Variants in THSD4 observed in about 807,000 individuals in gnomAD.
The protein encoded by THSD4 is thrombospondin type 1 domain containing 4.
Under a neutral mutation model 119.0 loss-of-function variants are expected in THSD4, and 69 were observed. The ratio of observed to expected loss-of-function variants is 0.58; its 90% CI spans 0.48 to 0.71. The LOEUF (loss-of-function observed/expected upper bound fraction) is 0.71. Ranked by LOEUF, THSD4 falls within the 30% of genes least tolerant of loss-of-function variation. The pLI, the probability that THSD4 is intolerant of heterozygous loss-of-function variation, is 0.00. For synonymous variants in THSD4, 524 were observed against 540.4 expected (o/e 0.97, Z 0.42); for missense variants, 1,393 against 1,391.1 (o/e 1.00, Z -0.02).
chr15:71,678,446 A>G (rs565660488), intron 8 of THSD4, among the ~76,000 whole-genome samples: 3 of 152,324 alleles, frequency 2.0e-5, no homozygotes, highest in Admixed American at 6.5e-5. Context: ...AGCTTCAGAA[A>G]TGTGAAACCT....
intron 6 of THSD4, among the ~76,000 whole-genome samples, chr15:71,379,093 C>G (rs2046190875): frequency 6.6e-6 from 1 of 151,948 alleles, no homozygotes; most frequent in Admixed American, 6.6e-5. Context: ...CAGAGGGTAA[C>G]TTGTTTTAAG....
chr15:71,759,027 G>T (rs1176871436), intron 15 of THSD4, among the ~76,000 whole-genome samples: 1 of 152,108 alleles, frequency 6.6e-6, no homozygotes, highest in Non-Finnish European at 1.5e-5. Context: ...CATGACAGCA[G>T]GATGGTTACA....
intron 7 of THSD4, among the ~76,000 whole-genome samples, chr15:71,533,016 G>A (rs7168510): frequency 0.27 from 40,730 of 152,096 alleles, 6,191 homozygotes; most frequent in East Asian, 0.62. Context: ...TGCCATGTGT[G>A]TGCCTTCTGA....
Position 71,745,191 on chromosome 15 carries a change from G to C in THSD4, c.1992G>C (p.Pro664=). 1 of 1,613,310 alleles carries C rather than the reference G, an allele frequency of 6.2e-7. No homozygotes were observed. The highest frequency in any genetic ancestry group is 1.3e-5 in the African/African-American group (1 of 74,990). ...PESYCDSSMK[P]TPEEEPCNIF... Reference sequence around the variant, plus strand: ...GTTACTGTGACTCCAGCATGAAGCCGACCCCCGAGGAGGAGCCCTGCAACA... The same window carrying C: ...GTTACTGTGACTCCAGCATGAAGCCCACCCCCGAGGAGGAGCCCTGCAACA... Residue 664 remains proline, a synonymous_variant, in exon 12 of 18, where the codon CCG becomes CCC. Transcript: ENST00000261862.
intron 8 of THSD4, among the ~76,000 whole-genome samples, chr15:71,682,757 A>T (rs2051811149): frequency 6.6e-6 from 1 of 152,112 alleles, no homozygotes; most frequent in South Asian, 2.1e-4. Flanking sequence ...TATTCCATTT[A>T]TCTGTCAAAT....
rs2053575071 is a variant in THSD4 at position 71,758,089 on chromosome 15, A to G, written c.2589+14A>G. 6.4e-7 allele frequency: 1 copy of G among 1,554,928 alleles called. No homozygotes were observed. The highest frequency in any genetic ancestry group is 1.4e-5 in the African/African-American group (1 of 73,286). On this transcript the variant is annotated intron_variant, in intron 15 of 17. Transcript: ENST00000261862. The stretch of plus-strand genomic sequence containing the variant: ...AGCTGGAGTCAGGTGAGTGGCCAGA[A>G]CTGGGTATGTCTGCCTGTGTCAGGC...
intron 3 of THSD4, among the ~76,000 whole-genome samples, chr15:71,173,813 A>T (rs1355458807): frequency 6.6e-6 from 1 of 152,122 alleles, no homozygotes; most frequent in African/African-American, 2.4e-5. Context: ...ACTGACAGCC[A>T]TGGAGACCAA....
At chr15:71,271,797 T>C (rs2044533510) in intron 6 of THSD4, among the ~76,000 whole-genome samples, 1 of 152,140 alleles carries the variant, frequency 6.6e-6, no homozygotes, top group African/African-American at 2.4e-5. Context: ...TTCTCTCTTT[T>C]ATTAGACTCA....
intron 8 of THSD4, among the ~76,000 whole-genome samples, chr15:71,701,828 G>A (rs573340511): frequency 6.6e-6 from 1 of 152,124 alleles, no homozygotes; most frequent in South Asian, 2.1e-4. Context: ...GCGAGATTGG[G>A]GCCAAGCAGA....
At chr15:71,519,423 G>A (rs569745071) in intron 7 of THSD4, among the ~76,000 whole-genome samples, 23 of 152,200 alleles carry the variant, frequency 1.5e-4, no homozygotes, top group Non-Finnish European at 2.1e-4. Flanking sequence ...GTGCAGTGGT[G>A]TGATCTCGGC....
chr15:71,658,268 G>A (rs1235385606), intron 7 of THSD4, among the ~76,000 whole-genome samples: 1 of 152,172 alleles, frequency 6.6e-6, no homozygotes, highest in Non-Finnish European at 1.5e-5. Flanking sequence ...CTCCAGCCTC[G>A]TATTATCCCT....
intron 8 of THSD4, among the ~76,000 whole-genome samples, chr15:71,718,473 T>C (rs11857668): frequency 0.54 from 82,033 of 152,018 alleles, 26,537 homozygotes; most frequent in East Asian, 0.8. Context: ...GAGAACTGTT[T>C]GTGTCATGAA....
chr15:71,194,713 A>C (rs894970740), intron 3 of THSD4, among the ~76,000 whole-genome samples: 3 of 152,190 alleles, frequency 2.0e-5, no homozygotes, highest in African/African-American at 7.2e-5. Flanking sequence ...TAAGTGCCTC[A>C]AAAACTATGC....
At chr15:71,555,885 C>CT (rs1486596443) in intron 7 of THSD4, among the ~76,000 whole-genome samples, 2 of 152,112 alleles carry the variant, frequency 1.3e-5, no homozygotes, top group Non-Finnish European at 2.9e-5. Flanking sequence ...CAATGAGTTA[C>CT]TACAGGAACA....
In THSD4 at chr15:71,739,545, A is replaced by G. The variant is rs77204414; in HGVS notation, c.1906+1538A>G. Among the ~76,000 whole-genome samples, 1,004 of 152,342 alleles carry G rather than the reference A, an allele frequency of 6.6e-3. 16 individuals are homozygous for G. Among genetic ancestry groups the G allele is most frequent in the African/African-American group, 0.023 (972 of 41,564 alleles). ...GCTGTCCAGAAACCCTTTATCTGAC[A>G]TTCCATACCAGATTGGAAATCAATG... On this transcript the variant is annotated intron_variant, in intron 11 of 17. Coordinates refer to ENST00000261862, the MANE Select transcript of THSD4 (RefSeq NM_024817.3).
At chr15:71,547,499 T>C (rs989881070) in intron 7 of THSD4, 4 of 1,549,500 alleles carry the variant, frequency 2.6e-6, no homozygotes, top group Non-Finnish European at 2.6e-6. Context: ...AAATAAAATA[T>C]CTTGTCAGAA....
intron 4 of THSD4, among the ~76,000 whole-genome samples, chr15:71,238,037 T>A (rs1280701821): frequency 6.6e-6 from 1 of 152,048 alleles, no homozygotes; most frequent in Non-Finnish European, 1.5e-5. Context: ...GTTCTTCTCA[T>A]AGAGCCCTAC....
chr15:71,686,731 C>T (rs750315565), intron 8 of THSD4, among the ~76,000 whole-genome samples: 6 of 152,094 alleles, frequency 3.9e-5, no homozygotes, highest in Non-Finnish European at 8.8e-5. Context: ...GAAGCAGTAG[C>T]AAGAAAACTG....
chr15:71,454,515 C>T (rs1022740246), intron 7 of THSD4, among the ~76,000 whole-genome samples: 2 of 152,148 alleles, frequency 1.3e-5, no homozygotes, highest in African/African-American at 2.4e-5. Flanking sequence ...CCCGAGGCCC[C>T]GCGTGTGACA....
Sources: allele counts gnomAD v4.1 joint callset (sites outside exome capture counted in the v4.1 genomes callset), GRCh38; gene constraint gnomAD v4.1.1; transcripts MANE v1.5; gene names NCBI Gene and HGNC (gene_info 2026-07-23, HGNC 2026-07-21).